Variants in ABCA13 observed in about 807,000 individuals in gnomAD.
ABCA13 encodes ATP binding cassette subfamily A member 13, also known as ATP-binding cassette sub-family A member 13.
ABCA13 carries 476 observed loss-of-function variants against 478.7 expected under a neutral mutation model. The ratio of observed to expected loss-of-function variants is 0.99; its 90% CI spans 0.92 to 1.07. ABCA13 has a LOEUF of 1.07. ABCA13 is among the 50% of genes least tolerant of loss of function. The pLI, the probability that ABCA13 is intolerant of heterozygous loss-of-function variation, is 0.00. For synonymous variants in ABCA13, 2,252 were observed against 2,158.9 expected (o/e 1.04, Z -1.20); for missense variants, 6,060 against 5,910.6 (o/e 1.03, Z -0.83).
chr7:48,467,375 T>G (rs2130181491), intron 44 of ABCA13, among the ~76,000 whole-genome samples: 1 of 152,322 alleles, frequency 6.6e-6, no homozygotes, highest in East Asian at 1.9e-4. Context: ...AAGTCTGAAT[T>G]ATGTCTTAGC....
intron 35 of ABCA13, among the ~76,000 whole-genome samples, chr7:48,384,737 G>A (rs757076598): frequency 1.3e-5 from 2 of 152,186 alleles, no homozygotes; most frequent in Non-Finnish European, 2.9e-5. Flanking sequence ...CACAAACTGG[G>A]TGGCTCAAAC....
chr7:48,556,251 G>A (rs1334036286), intron 55 of ABCA13, among the ~76,000 whole-genome samples: 4 of 151,950 alleles, frequency 2.6e-5, no homozygotes, highest in African/African-American at 7.2e-5. Flanking sequence ...AGTGATCTAC[G>A]TGCTGAGAAG....
At chr7:48,290,907 A>G (rs979200495) in intron 20 of ABCA13, among the ~76,000 whole-genome samples, 1 of 139,482 alleles carries the variant, frequency 7.2e-6, no homozygotes, top group Non-Finnish European at 1.5e-5. Flanking sequence ...GGGTGAGAGA[A>G]TTGGAGAAGG....
At chr7:48,315,581 G>A (rs1468892598) in intron 26 of ABCA13, among the ~76,000 whole-genome samples, 2 of 151,538 alleles carry the variant, frequency 1.3e-5, no homozygotes, top group East Asian at 1.9e-4. Context: ...CCAGGTTCAC[G>A]CCATTCTCCT....
chr7:48,624,897 T>C (rs1354493039), intron 59 of ABCA13, among the ~76,000 whole-genome samples: 1 of 152,126 alleles, frequency 6.6e-6, no homozygotes, highest in African/African-American at 2.4e-5. Context: ...TTATTTTTTA[T>C]AAAGAAAACA....
chr7:48,415,950 CCTCT>C (rs1359703150), intron 41 of ABCA13, among the ~76,000 whole-genome samples: 1 of 151,826 alleles, frequency 6.6e-6, no homozygotes, highest in African/African-American at 2.4e-5. Context: ...TCCTTCCCTA[CCTCT>C]CTCTTTTTGC....
chr7:48,598,191 T>C (rs998171505), intron 58 of ABCA13, among the ~76,000 whole-genome samples: 1 of 152,230 alleles, frequency 6.6e-6, no homozygotes, highest in Non-Finnish European at 1.5e-5. Context: ...GTTGGAATCA[T>C]ATAGTATGTA....
intron 27 of ABCA13, among the ~76,000 whole-genome samples, chr7:48,317,873 C>G (rs1563039384): frequency 1.3e-5 from 2 of 152,160 alleles, no homozygotes; most frequent in African/African-American, 4.8e-5. Flanking sequence ...TGTTTAACCT[C>G]TCTAATCTAT....
intron 42 of ABCA13, among the ~76,000 whole-genome samples, chr7:48,430,152 G>C (rs1274646086): frequency 6.6e-6 from 1 of 152,060 alleles, no homozygotes; most frequent in African/African-American, 2.4e-5. Flanking sequence ...ACCAGTGAAG[G>C]CTTCTGGGTC....
chr7:48,215,166 C>T (rs1300254158), intron 3 of ABCA13, among the ~76,000 whole-genome samples: 1 of 152,046 alleles, frequency 6.6e-6, no homozygotes, highest in Non-Finnish European at 1.5e-5. Flanking sequence ...TTTAAAGTGA[C>T]AGACATGTGA....
chr7:48,245,277 A>C (rs1210708043), intron 11 of ABCA13, among the ~76,000 whole-genome samples: 3 of 152,148 alleles, frequency 2.0e-5, no homozygotes, highest in African/African-American at 7.2e-5. Flanking sequence ...GGAAAAAGTG[A>C]GGGGGGATGT....
chr7:48,214,612 A>G (rs1200209119), intron 3 of ABCA13, among the ~76,000 whole-genome samples: 3 of 152,164 alleles, frequency 2.0e-5, no homozygotes, highest in South Asian at 2.1e-4. Context: ...TTCTATATCA[A>G]TGCTTACATC....
intron 3 of ABCA13, among the ~76,000 whole-genome samples, chr7:48,205,207 G>A (rs1201128283): frequency 6.6e-6 from 1 of 152,154 alleles, no homozygotes; most frequent in Non-Finnish European, 1.5e-5. Flanking sequence ...AGGTTATAAA[G>A]ATAATTTCTT....
chr7:48,645,503 G>A lies in ABCA13; in HGVS notation c.15168G>A (p.Leu5056=). ...CTGACAGTCACCACACACATCACTTGCCCATCTGAGCACTAAAGAAGTTTC... is the reference window on the plus strand; with the variant it reads ...CTGACAGTCACCACACACATCACTTACCCATCTGAGCACTAAAGAAGTTTC... ...PSTDSHHTHH[L]PI is the part of the protein sequence containing the mutation. Residue 5056 remains leucine (L), a synonymous_variant, in exon 62 of 62, where the codon TTG becomes TTA. Transcript: ENST00000435803. The A allele has an allele frequency of 6.3e-7, 1 of 1,579,970 alleles. No individual in the cohort carries two copies. The highest frequency in any genetic ancestry group is 1.2e-5 in the South Asian group (1 of 85,790).
chr7:48,228,399 T>C (rs1452879099), intron 6 of ABCA13, among the ~76,000 whole-genome samples: 1 of 152,154 alleles, frequency 6.6e-6, no homozygotes, highest in Non-Finnish European at 1.5e-5. Context: ...GGCCCCTCCT[T>C]CTGAGGGCAA....
At chr7:48,203,270 C>G (rs1799107149) in intron 3 of ABCA13, among the ~76,000 whole-genome samples, 1 of 152,186 alleles carries the variant, frequency 6.6e-6, no homozygotes, top group Non-Finnish European at 1.5e-5. Context: ...GCGCCGCACG[C>G]AGCCCCGGTT....
chr7:48,581,483 T>C (rs1438164140), intron 56 of ABCA13, among the ~76,000 whole-genome samples: 3 of 152,164 alleles, frequency 2.0e-5, no homozygotes, highest in Admixed American at 6.5e-5. Flanking sequence ...CCGTGGCTAA[T>C]TGTTGGATCA....
chr7:48,249,878 T>A (rs1367710844), intron 15 of ABCA13, among the ~76,000 whole-genome samples: 1 of 152,186 alleles, frequency 6.6e-6, no homozygotes, highest in Non-Finnish European at 1.5e-5. Context: ...TAACTGGGTG[T>A]CCTACAATTC....
intron 53 of ABCA13, among the ~76,000 whole-genome samples, chr7:48,521,921 A>G (rs1832568848): frequency 1.3e-5 from 2 of 152,032 alleles, no homozygotes; most frequent in South Asian, 2.1e-4. Context: ...TTTAAGACCC[A>G]GATCTAACTA....
Sources: allele counts gnomAD v4.1 joint callset (sites outside exome capture counted in the v4.1 genomes callset), GRCh38; gene constraint gnomAD v4.1.1; transcripts MANE v1.5; gene names NCBI Gene and HGNC (gene_info 2026-07-23, HGNC 2026-07-21).